Variants in MSANTD3 observed in about 807,000 individuals in gnomAD.
MSANTD3 encodes Myb/SANT DNA binding domain containing 3.
In MSANTD3, 11 loss-of-function variants were observed where a neutral mutation model predicts 27.7. That is an observed-to-expected ratio of 0.40 (90% confidence interval 0.25 to 0.66). The LOEUF (loss-of-function observed/expected upper bound fraction) is 0.66. MSANTD3 is among the 30% of genes least tolerant of loss of function. The probability of loss-of-function intolerance (pLI) is 0.41; values close to 1 mark genes in which losing one functional copy is unlikely to be tolerated. For missense variants in MSANTD3, 250 were observed against 336.5 expected (o/e 0.74, Z 2.01); for synonymous variants, 131 against 127.2 (o/e 1.03, Z -0.20).
chr9:100,438,658 G>T (rs1049816462), intron 1 of MSANTD3, among the ~76,000 whole-genome samples: 1 of 152,160 alleles, frequency 6.6e-6, no homozygotes, highest in Admixed American at 6.5e-5. Flanking sequence ...TTAAGAACAG[G>T]CAGTGTACCT....
intron 2 of MSANTD3, 49 bp downstream of exon 2, chr9:100,442,405 G>C: frequency 6.5e-7 from 1 of 1,530,346 alleles, no homozygotes; most frequent in Non-Finnish European, 8.7e-7. Flanking sequence ...GTATCTGTTT[G>C]ACATTTTAAT....
intron 1 of MSANTD3, among the ~76,000 whole-genome samples, chr9:100,441,220 G>A (rs958882454): frequency 1.1e-4 from 16 of 151,870 alleles, no homozygotes; most frequent in African/African-American, 3.9e-4. Context: ...TTGAGTACAC[G>A]GTGGCTTCTT....
rs35133590 is a variant in MSANTD3 at position 100,451,305 on chromosome 9, AT to A, written c.*352del. On this transcript the variant is annotated 3_prime_UTR_variant, in exon 3 of 3. Coordinates refer to ENST00000395067, the MANE Select transcript of MSANTD3 (RefSeq NM_080655.3). ...GTGTGACTATAAAGGAGTGTGGCTGATTTTTTTTTTTTTCTTTTTTCTTTTT... is the reference window on the plus strand; with the variant it reads ...GTGTGACTATAAAGGAGTGTGGCTGATTTTTTTTTTTTCTTTTTTCTTTTT... 98,463 of 152,580 alleles carry A rather than the reference AT, an allele frequency of 0.65. 30,396 individuals are homozygous for A. The highest frequency in any genetic ancestry group is 0.74 in the African/African-American group (27,812 of 37,536). The allele number at this position is 152,580 out of a possible 1,614,324, so 9.5% of individuals were successfully genotyped here. A position where few individuals can be genotyped will look rare whatever the true frequency, so the allele number is the denominator to read the frequency against.
At chr9:100,437,302 G>A (rs969489033) in intron 1 of MSANTD3, among the ~76,000 whole-genome samples, 6 of 152,152 alleles carry the variant, frequency 3.9e-5, no homozygotes, top group Non-Finnish European at 7.3e-5. Context: ...GCCCTTTCCC[G>A]GCTGATGATT....
At position 100,451,686 on chromosome 9, in the gene MSANTD3, C is replaced by G. The variant is rs1836892902; in HGVS notation, c.*720C>G. 6.8e-6 allele frequency: 1 copy of G among 146,694 alleles called. No homozygotes were observed. The highest frequency in any genetic ancestry group is 1.5e-5 in the Non-Finnish European group (1 of 67,026). 9.1% of individuals were successfully genotyped at this position (146,694 alleles called of 1,614,324 possible). ...GAGGAAGAAATGTTCGTTTAGATTT[C>G]TACATTCTGTTATGTTGGTTTTATT... On this transcript the variant is annotated 3_prime_UTR_variant, in exon 3 of 3. Transcript: ENST00000395067.
At chr9:100,448,866 A>G in intron 2 of MSANTD3, 1 of 985,144 alleles carries the variant, frequency 1.0e-6, no homozygotes, top group Non-Finnish European at 1.2e-6. Context: ...CTTCTCTTCC[A>G]GAAGTAAGAT....
At chr9:100,449,252 G>A (rs1049615239) in intron 2 of MSANTD3, 2 of 985,228 alleles carry the variant, frequency 2.0e-6, no homozygotes, top group African/African-American at 1.7e-5. Flanking sequence ...AAAAAGCAGG[G>A]CAAACATAGC....
intron 1 of MSANTD3, chr9:100,427,700 C>A (rs1256502947): frequency 1.3e-5 from 2 of 152,312 alleles, no homozygotes; most frequent in Admixed American, 6.5e-5. Context: ...CGGGGGGAAT[C>A]CAGGTGACCT....
chr9:100,447,666 C>CCT (rs1836786861), intron 2 of MSANTD3, among the ~76,000 whole-genome samples: 1 of 152,270 alleles, frequency 6.6e-6, no homozygotes, highest in African/African-American at 2.4e-5. Flanking sequence ...GTCATACAGA[C>CCT]TTAGAATCCT....
chr9:100,435,437 T>C lies in MSANTD3; in HGVS notation c.-33-6469T>C, dbSNP rs1466931646. On this transcript the variant is annotated intron_variant, in intron 1 of 2. Coordinates refer to ENST00000395067, the MANE Select transcript of MSANTD3 (RefSeq NM_080655.3). Reference sequence around the variant, plus strand: ...TCTTGACAAGTTTCTCTGTCTTTGCTCAAACTTTAGGACTTAGTTTCACCC... The same window carrying C: ...TCTTGACAAGTTTCTCTGTCTTTGCCCAAACTTTAGGACTTAGTTTCACCC... Among the ~76,000 whole-genome samples, 30 of 152,226 alleles carry C rather than the reference T, an allele frequency of 2.0e-4. 1 individual carries two copies. The highest frequency in any genetic ancestry group is 2.0e-3 in the Admixed American group (30 of 15,284).
chr9:100,440,780 CTTTT>C (rs529362356), intron 1 of MSANTD3, among the ~76,000 whole-genome samples: 9 of 85,704 alleles, frequency 1.1e-4, no homozygotes, highest in South Asian at 5.3e-4. Flanking sequence ...TTTTTCTTCC[CTTTT>C]TTTTTTTTTT....
At position 100,442,220 on chromosome 9, in the gene MSANTD3, A is replaced by T. The variant is rs1478837567; in HGVS notation, c.282A>T (p.Lys94Asn). ...IMAHERREKV[K>N]RSVSPLLSTH... Reference sequence around the variant, plus strand: ...CCCATGAAAGGAGAGAGAAAGTGAAACGGAGCGTCAGCCCTCTCCTGAGTA... The same window carrying T: ...CCCATGAAAGGAGAGAGAAAGTGAATCGGAGCGTCAGCCCTCTCCTGAGTA... The change falls in exon 2 of 3, where the codon AAA becomes AAT. Residue 94 changes from lysine to asparagine, a missense_variant. Physicochemically the swap from Lys to Asn is moderately conservative, Grantham distance 94. Transcript: ENST00000395067. 6.2e-7 allele frequency: 1 copy of T among 1,613,652 alleles called. No individual in the cohort carries two copies. The highest frequency in any genetic ancestry group is 8.5e-7 in the Non-Finnish European group (1 of 1,179,968).
chr9:100,431,087 C>T (rs1211715817), intron 1 of MSANTD3, among the ~76,000 whole-genome samples: 3 of 151,658 alleles, frequency 2.0e-5, no homozygotes, highest in Non-Finnish European at 2.9e-5. Flanking sequence ...ACCGCAACTT[C>T]CACCTCCCGG....
intron 2 of MSANTD3, among the ~76,000 whole-genome samples, chr9:100,445,891 A>G (rs1184425971): frequency 1.3e-5 from 2 of 152,206 alleles, no homozygotes. Flanking sequence ...TAAGTATAAC[A>G]CTTAGGAATA....
intron 2 of MSANTD3, chr9:100,445,152 C>T (rs1331198339): frequency 1.3e-6 from 2 of 1,547,666 alleles, no homozygotes; most frequent in South Asian, 2.2e-5. Context: ...GTTCATTTCA[C>T]TCATTTTGCA....
intron 2 of MSANTD3, chr9:100,448,092 G>A (rs74861242): frequency 0.18 from 78,205 of 442,476 alleles, 7,396 homozygotes; most frequent in Middle Eastern, 0.22. Flanking sequence ...GTTGGAGGCT[G>A]AAGTGGGAGG....
At chr9:100,440,410 C>G (rs920523314) in intron 1 of MSANTD3, among the ~76,000 whole-genome samples, 10 of 152,118 alleles carry the variant, frequency 6.6e-5, no homozygotes, top group African/African-American at 2.4e-4. Flanking sequence ...GGACACTGGA[C>G]TCAGTCTCTT....
chr9:100,448,744 G>T (rs1836815859), intron 2 of MSANTD3: 1 of 985,262 alleles, frequency 1.0e-6, no homozygotes, highest in South Asian at 4.7e-5. Context: ...GAGGCAGTGG[G>T]AGCATGAAGG....
At chr9:100,443,730 A>G (rs941208928) in intron 2 of MSANTD3, among the ~76,000 whole-genome samples, 4 of 152,226 alleles carry the variant, frequency 2.6e-5, no homozygotes, top group Admixed American at 2.6e-4. Flanking sequence ...GTCTCTAGGC[A>G]AGGGGAGGGT....
Sources: allele counts gnomAD v4.1 joint callset (sites outside exome capture counted in the v4.1 genomes callset), GRCh38; gene constraint gnomAD v4.1.1; transcripts MANE v1.5; gene names NCBI Gene and HGNC (gene_info 2026-07-23, HGNC 2026-07-21).